DHX15: variants seen among roughly 807,000 people sequenced by gnomAD.
DHX15 encodes the protein DEAH-box helicase 15, also known as ATP-dependent RNA helicase DHX15.
In DHX15, 11 loss-of-function variants were observed where a neutral mutation model predicts 94.4. That is an observed-to-expected ratio of 0.12 (90% CI 0.07 to 0.19). The LOEUF (loss-of-function observed/expected upper bound fraction) is 0.19, where lower values mean the gene tolerates loss of function less well. DHX15 is among the 10% of genes least tolerant of loss of function. The pLI is 1.00. For missense variants in DHX15, 304 were observed against 988.5 expected (o/e 0.31, Z 9.29); for synonymous variants, 338 against 329.9 (o/e 1.02, Z -0.27).
At chr4:24,547,905 A>G (rs10030987) in intron 6 of DHX15, among the ~76,000 whole-genome samples, 1,191 of 7,108 alleles carry the variant, frequency 0.17, 30 homozygotes, top group Non-Finnish European at 0.21. Flanking sequence ...ATGTATGTGT[A>G]TATATATATA....
chr4:24,560,790 C>T (rs1403316277), intron 3 of DHX15, among the ~76,000 whole-genome samples: 1 of 152,076 alleles, frequency 6.6e-6, no homozygotes, highest in Non-Finnish European at 1.5e-5. Flanking sequence ...ATGAAAAAAG[C>T]ACCAGTCTCA....
intron 10 of DHX15, 28 bp downstream of exon 10, chr4:24,540,080 C>T (rs771424052): frequency 3.5e-6 from 5 of 1,438,052 alleles, no homozygotes; most frequent in Middle Eastern, 1.9e-4. Flanking sequence ...AAGAGCTGGG[C>T]TTTTTTTTGT....
At position 24,527,721 on chromosome 4, in the gene DHX15, G is replaced by C; in HGVS notation, c.*203C>G. 2.1e-6 allele frequency: 1 copy of C among 483,810 alleles called. No homozygotes were observed. The highest frequency in any genetic ancestry group is 3.7e-6 in the Non-Finnish European group (1 of 271,620). The allele number at this position is 483,810 out of a possible 1,614,324, so 30.0% of individuals were successfully genotyped here. A position where few individuals can be genotyped will look rare whatever the true frequency, so the allele number is the denominator to read the frequency against. On this transcript the variant is annotated 3_prime_UTR_variant, in exon 14 of 14. Coordinates refer to ENST00000336812, the MANE Select transcript of DHX15 (RefSeq NM_001358.3). ...TGCAAAACATTGATCGACTTTTCCA[G>C]TATGAGCTACAGTGTCAACACAAAA...
rs1721228690 is a variant in DHX15 at position 24,537,937 on chromosome 4, A to G, written c.1787-764T>C. The G allele has an allele frequency of 1.3e-5, 2 of 152,242 alleles. No individual in the cohort carries two copies. Among genetic ancestry groups the G allele is most frequent in the Admixed American group, 1.3e-4 (2 of 15,286 alleles). The allele number at this position is 152,242 out of a possible 1,614,324, so 9.4% of individuals were successfully genotyped here. On this transcript the variant is annotated intron_variant, in intron 10 of 13. Transcript: ENST00000336812. The surrounding 1 kb of genome is among the most constrained non-coding windows in gnomAD (Gnocchi z 4.7). ...TTATTTGAATCAAAACCTCAATATA[A>G]AAGCAAAGTCCAATATTTCAAAAGT... is the stretch of plus-strand genomic sequence containing the variant.
intron 1 of DHX15, among the ~76,000 whole-genome samples, chr4:24,581,307 C>T (rs1204597882): frequency 6.6e-6 from 1 of 152,056 alleles, no homozygotes; most frequent in African/African-American, 2.4e-5. Context: ...GGATTACAGG[C>T]GTGAGCCATT....
intron 11 of DHX15, 90 bp downstream of exon 11, chr4:24,536,961 C>A (rs879627848): frequency 5.0e-6 from 7 of 1,400,724 alleles, no homozygotes; most frequent in Non-Finnish European, 5.7e-6. Context: ...TAAGTTGTCA[C>A]GGATAATAAA....
At chr4:24,561,982 T>C (rs1721881982) in intron 3 of DHX15, among the ~76,000 whole-genome samples, 1 of 151,790 alleles carries the variant, frequency 6.6e-6, no homozygotes, top group African/African-American at 2.4e-5. Flanking sequence ...AATACAAAAA[T>C]TCACCAGGCG....
chr4:24,540,312 G>C lies in DHX15; in HGVS notation c.1595-13C>G. 2 of 1,606,212 alleles carry C rather than the reference G, an allele frequency of 1.2e-6. No homozygotes were observed. On this transcript the variant is annotated splice_polypyrimidine_tract_variant and intron_variant, in intron 9 of 13. Transcript: ENST00000336812. ...AGAGTTTCAGGAGCTAGTGGTAAAA[G>C]ACAATCTATTAGACACGGTGCCTTA...
intron 3 of DHX15, chr4:24,563,433 G>A (rs183857914): frequency 6.6e-6 from 1 of 152,280 alleles, no homozygotes; most frequent in East Asian, 1.9e-4. Flanking sequence ...AAAGTATTGG[G>A]ATTACAGGCA....
chr4:24,528,328 T>C (rs367673663), intron 13 of DHX15, among the ~76,000 whole-genome samples: 9 of 152,200 alleles, frequency 5.9e-5, no homozygotes, highest in African/African-American at 2.2e-4. Flanking sequence ...AGTCACTGAT[T>C]TCTTTACTCT....
At chr4:24,560,566 T>C (rs990615954) in intron 3 of DHX15, among the ~76,000 whole-genome samples, 2 of 152,160 alleles carry the variant, frequency 1.3e-5, no homozygotes, top group Non-Finnish European at 2.9e-5. Flanking sequence ...TTGCAACTTA[T>C]ATCCAAGGTG....
chr4:24,557,865 C>T (rs1021611675), intron 3 of DHX15, among the ~76,000 whole-genome samples: 1 of 151,690 alleles, frequency 6.6e-6, no homozygotes, highest in Non-Finnish European at 1.5e-5. Flanking sequence ...ATCACAGACA[C>T]GAGAGAGGCA....
chr4:24,533,309 T>G (rs1721127412), intron 11 of DHX15: 1 of 502,922 alleles, frequency 2.0e-6, no homozygotes. Flanking sequence ...CTGTTTTTAG[T>G]GAATTACTTC....
At position 24,537,924 on chromosome 4, in the gene DHX15, A is replaced by C. The variant is rs1463876426; in HGVS notation, c.1787-751T>G. 1 of 152,240 alleles carries C rather than the reference A, an allele frequency of 6.6e-6. No individual in the cohort carries two copies. The highest frequency in any genetic ancestry group is 1.5e-5 in the Non-Finnish European group (1 of 68,038). 9.4% of individuals were successfully genotyped at this position (152,240 alleles called of 1,614,324 possible). A position where few individuals can be genotyped will look rare whatever the true frequency, so the allele number is the denominator to read the frequency against. The stretch of plus-strand genomic sequence containing the variant: ...AAAAAAAACAAACTTATTTGAATCA[A>C]AACCTCAATATAAAAGCAAAGTCCA... On this transcript the variant is annotated intron_variant, in intron 10 of 13. Transcript: ENST00000336812. The surrounding 1 kb of genome is among the most constrained non-coding windows in gnomAD (Gnocchi z 4.7).
At chr4:24,579,725 T>A (rs1413466194) in intron 1 of DHX15, among the ~76,000 whole-genome samples, 1 of 152,234 alleles carries the variant, frequency 6.6e-6, no homozygotes, top group African/African-American at 2.4e-5. Flanking sequence ...GCTTTAAGTG[T>A]TGTCTGGCAC....
At chr4:24,539,546 C>T (rs1260513902) in intron 10 of DHX15, among the ~76,000 whole-genome samples, 1 of 151,864 alleles carries the variant, frequency 6.6e-6, no homozygotes. Flanking sequence ...TTTCTTTTAC[C>T]AAGTTTTTCT....
intron 1 of DHX15, among the ~76,000 whole-genome samples, chr4:24,578,127 T>C (rs1180652607): frequency 6.6e-6 from 1 of 152,228 alleles, no homozygotes; most frequent in African/African-American, 2.4e-5. Flanking sequence ...AAGCCAGAAC[T>C]GTATGAAGCC....
chr4:24,546,323 C>T (rs956605905), intron 6 of DHX15, among the ~76,000 whole-genome samples: 13 of 152,302 alleles, frequency 8.5e-5, no homozygotes, highest in African/African-American at 3.1e-4. Context: ...CCATATTAAT[C>T]AGCGAAATGT....
At chr4:24,568,350 G>A (rs1180191248) in intron 3 of DHX15, among the ~76,000 whole-genome samples, 1 of 152,074 alleles carries the variant, frequency 6.6e-6, no homozygotes, top group East Asian at 1.9e-4. Flanking sequence ...CTAACTTATT[G>A]TAATAATACA....
Sources: gnomAD v4.1 joint callset for allele counts (sites outside exome capture counted in the v4.1 genomes callset) on GRCh38, gnomAD v4.1.1 for gene constraint, Gnocchi (gnomAD v3.1) non-coding constraint, MANE v1.5 for transcripts, NCBI Gene and HGNC (gene_info 2026-07-23, HGNC 2026-07-21) for gene names.